CNNM1: variants seen among roughly 807,000 people sequenced by gnomAD.
CNNM1 encodes cyclin and CBS domain divalent metal cation transport mediator 1.
CNNM1 carries 44 observed loss-of-function variants against 78.8 expected under a neutral mutation model. That is an observed-to-expected ratio of 0.56 (90% CI 0.44 to 0.72). CNNM1 has a LOEUF of 0.72. Among genes scored for constraint, CNNM1 ranks in the 30% least tolerant of loss-of-function variants. CNNM1 has a pLI of 0.00. For synonymous variants in CNNM1, 584 were observed against 581.5 expected, an observed-to-expected ratio of 1.00 and a Z score of -0.06; for missense variants, 1,101 against 1,292.2, an observed-to-expected ratio of 0.85 and a Z score of 2.27.
intron 7 of CNNM1, among the ~76,000 whole-genome samples, chr10:99,383,816 C>T (rs1239554855): frequency 1.3e-5 from 2 of 152,106 alleles, no homozygotes; most frequent in Non-Finnish European, 1.5e-5. Context: ...CTGTTTAGGC[C>T]GTCCACTAAA....
At chr10:99,336,284 G>A (rs1241710204) in intron 1 of CNNM1, among the ~76,000 whole-genome samples, 5 of 152,144 alleles carry the variant, frequency 3.3e-5, no homozygotes, top group Non-Finnish European at 5.9e-5. Flanking sequence ...ACTTACCATT[G>A]TGTTACAATT....
At chr10:99,366,104 T>C (rs1367513379) in intron 6 of CNNM1, among the ~76,000 whole-genome samples, 1 of 152,132 alleles carries the variant, frequency 6.6e-6, no homozygotes, top group Non-Finnish European at 1.5e-5. Context: ...GCCCAGCCAG[T>C]GGTTGAAATG....
chr10:99,359,956 C>G (rs943775792), intron 2 of CNNM1, among the ~76,000 whole-genome samples: 22 of 149,180 alleles, frequency 1.5e-4, no homozygotes, highest in Non-Finnish European at 3.0e-4. Flanking sequence ...AAGCGGGGGC[C>G]GGGGGGGAAG....
intron 6 of CNNM1, among the ~76,000 whole-genome samples, chr10:99,373,672 G>T (rs566591804): frequency 6.6e-6 from 1 of 152,104 alleles, no homozygotes; most frequent in Non-Finnish European, 1.5e-5. Flanking sequence ...CACCCAAATA[G>T]TATACATTGT....
At chr10:99,348,747 A>G (rs929631203) in intron 1 of CNNM1, among the ~76,000 whole-genome samples, 1 of 152,160 alleles carries the variant, frequency 6.6e-6, no homozygotes. Context: ...TAAAACAGGA[A>G]GGGTGTTCAA....
chr10:99,388,357 T>C, intron 9 of CNNM1, 56 bp downstream of exon 9: 1 of 1,572,540 alleles, frequency 6.4e-7, no homozygotes, highest in Non-Finnish European at 8.6e-7. Flanking sequence ...CTTTGGGCAC[T>C]GGGATGGCCC....
intron 1 of CNNM1, among the ~76,000 whole-genome samples, chr10:99,331,594 C>A (rs902013259): frequency 6.6e-6 from 1 of 152,206 alleles, no homozygotes; most frequent in Non-Finnish European, 1.5e-5. Context: ...GGGCCGGGCG[C>A]GGCGGCTCAT....
At chr10:99,381,149 G>A (rs1360796277) in intron 7 of CNNM1, among the ~76,000 whole-genome samples, 1 of 151,996 alleles carries the variant, frequency 6.6e-6, no homozygotes, top group African/African-American at 2.4e-5. Context: ...AGCAGCTCAC[G>A]CCTGTAATCC....
chr10:99,379,987 A>G (rs998214168), intron 7 of CNNM1, among the ~76,000 whole-genome samples: 1 of 150,958 alleles, frequency 6.6e-6, no homozygotes, highest in Admixed American at 6.6e-5. Flanking sequence ...GTATTCTCAC[A>G]TGGTGGAGAG....
intron 7 of CNNM1, among the ~76,000 whole-genome samples, chr10:99,380,678 C>T (rs1460185566): frequency 2.6e-5 from 4 of 151,932 alleles, no homozygotes; most frequent in Admixed American, 2.0e-4. Context: ...GTAATCCCAG[C>T]TACTCGGGAG....
chr10:99,368,827 C>A, intron 6 of CNNM1: 1 of 425,456 alleles, frequency 2.4e-6, no homozygotes, highest in Non-Finnish European at 4.3e-6. Context: ...AAATAGCACT[C>A]ATTTGCACAT....
intron 1 of CNNM1, among the ~76,000 whole-genome samples, chr10:99,350,728 A>G (rs1050462123): frequency 1.3e-5 from 2 of 152,146 alleles, no homozygotes; most frequent in African/African-American, 4.8e-5. Context: ...TGCTGCACCT[A>G]TCAACCCATC....
At chr10:99,374,554 G>A (rs2031906051) in intron 6 of CNNM1, among the ~76,000 whole-genome samples, 1 of 152,164 alleles carries the variant, frequency 6.6e-6, no homozygotes, top group Admixed American at 6.5e-5. Flanking sequence ...ATGACTTTAG[G>A]TTTGTGATGA....
At chr10:99,358,413 G>T (rs778545105) in intron 2 of CNNM1, among the ~76,000 whole-genome samples, 3 of 152,194 alleles carry the variant, frequency 2.0e-5, no homozygotes, top group Non-Finnish European at 4.4e-5. Flanking sequence ...GAGTCCCTAG[G>T]CTGGGAAGTG....
In CNNM1 at chr10:99,329,484, C is replaced by T; in HGVS notation, c.97C>T (p.Pro33Ser). 2.7e-6 allele frequency: 4 copies of T among 1,496,664 alleles called. No individual in the cohort carries two copies. The highest frequency in any genetic ancestry group is 3.6e-6 in the Non-Finnish European group (4 of 1,122,028). 92.7% of individuals were successfully genotyped at this position (1,496,664 alleles called of 1,614,324 possible). The change falls in exon 1 of 11, where the codon CCT becomes TCT. Residue 33 changes from proline to serine, a missense_variant. Pro to Ser is a moderately conservative substitution (Grantham distance 74, BLOSUM62 -1). Coordinates refer to ENST00000356713, the MANE Select transcript of CNNM1 (RefSeq NM_020348.3). ...GCTCCTGCTCTTCTTTTCCCTGTCT[C>T]CTCGGCCCCCGGCCGCCGCCGCCTG... ...AVLLLFFSLS[P>S]RPPAAAAWLL...
intron 4 of CNNM1, among the ~76,000 whole-genome samples, chr10:99,362,918 T>TC (rs1194075552): frequency 6.6e-6 from 1 of 152,064 alleles, no homozygotes; most frequent in Non-Finnish European, 1.5e-5. Context: ...TGAAATCTTC[T>TC]CCCCCTTCAG....
At chr10:99,348,612 CTA>C (rs1437898483) in intron 1 of CNNM1, among the ~76,000 whole-genome samples, 1 of 152,108 alleles carries the variant, frequency 6.6e-6, no homozygotes, top group Non-Finnish European at 1.5e-5. Context: ...CTTAGGGTAA[CTA>C]GAGTTAATGG....
In CNNM1 at chr10:99,330,500, C is replaced by T. The variant is rs1169683553; in HGVS notation, c.1113C>T (p.Pro371=). The change falls in exon 1 of 11, where the codon CCC becomes CCT. Residue 371 remains proline (P), a synonymous_variant. Transcript: ENST00000356713. ...GGCTTCTGATGGCAGCCGCCTTCCC[C>T]GTGTGCTACCCGCTGGGCCGCCTGC... ...LTRLLMAAAF[P]VCYPLGRLLD... is the part of the protein sequence containing the mutation. The T allele has an allele frequency of 6.3e-7, 1 of 1,584,060 alleles. No homozygotes were observed. The highest frequency in any genetic ancestry group is 1.7e-4 in the Middle Eastern group (1 of 6,022).
intron 1 of CNNM1, among the ~76,000 whole-genome samples, chr10:99,357,140 G>A (rs1376254064): frequency 6.6e-6 from 1 of 152,198 alleles, no homozygotes; most frequent in African/African-American, 2.4e-5. Context: ...AGTTAGTGGG[G>A]AAGGGGGCTT....
Sources: gnomAD v4.1 joint callset for allele counts (sites outside exome capture counted in the v4.1 genomes callset) on GRCh38, gnomAD v4.1.1 for gene constraint, MANE v1.5 for transcripts, NCBI Gene and HGNC (gene_info 2026-07-23, HGNC 2026-07-21) for gene names.